Variants in AGBL4 observed in about 807,000 individuals in gnomAD.
The protein encoded by AGBL4 is AGBL carboxypeptidase 4, also known as cytosolic carboxypeptidase 6.
Under a neutral mutation model 66.4 loss-of-function variants are expected in AGBL4, and 58 were observed. The ratio of observed to expected loss-of-function variants is 0.87; its 90% CI spans 0.71 to 1.09. The LOEUF is 1.09. Among genes scored for constraint, AGBL4 ranks in the 50% least tolerant of loss-of-function variants. AGBL4 has a pLI of 0.00. For missense variants in AGBL4, 579 were observed against 631.0 expected, an observed-to-expected ratio of 0.92 and a Z score of 0.88; for synonymous variants, 234 against 222.9, an observed-to-expected ratio of 1.05 and a Z score of -0.44.
intron 5 of AGBL4, among the ~76,000 whole-genome samples, chr1:48,896,803 A>T (rs12048741): frequency 6.6e-6 from 1 of 152,014 alleles, no homozygotes; most frequent in Non-Finnish European, 1.5e-5. Context: ...ACAAATAAAA[A>T]GATTTATTTT....
At chr1:49,457,682 T>C (rs1570762165) in intron 3 of AGBL4, among the ~76,000 whole-genome samples, 1 of 151,888 alleles carries the variant, frequency 6.6e-6, no homozygotes, top group African/African-American at 2.4e-5. Context: ...TCCAAAATTT[T>C]TATAGTTTCA....
At chr1:49,746,477 A>G (rs138650839) in intron 2 of AGBL4, among the ~76,000 whole-genome samples, 73 of 152,030 alleles carry the variant, frequency 4.8e-4, no homozygotes, top group Non-Finnish European at 9.0e-4. Context: ...TCTGAACAAC[A>G]TAGTATCCTG....
At chr1:48,646,513 ATG>A (rs61233999) in intron 8 of AGBL4, among the ~76,000 whole-genome samples, 4,196 of 131,406 alleles carry the variant, frequency 0.032, 162 homozygotes, top group African/African-American at 0.1. Context: ...ACCAGTTATA[ATG>A]TGTGTGTGTG....
chr1:49,200,578 G>C (rs1647611247), intron 4 of AGBL4, among the ~76,000 whole-genome samples: 1 of 152,136 alleles, frequency 6.6e-6, no homozygotes, highest in Non-Finnish European at 1.5e-5. Flanking sequence ...TATAAACCAA[G>C]GTTCCTATAA....
chr1:49,599,546 T>C (rs1012545967), intron 3 of AGBL4, among the ~76,000 whole-genome samples: 2 of 152,170 alleles, frequency 1.3e-5, no homozygotes, highest in African/African-American at 4.8e-5. Flanking sequence ...TCTATTTTGT[T>C]GATCTTTTCA....
At chr1:49,024,940 T>C (rs1663535453) in intron 5 of AGBL4, among the ~76,000 whole-genome samples, 1 of 152,160 alleles carries the variant, frequency 6.6e-6, no homozygotes, top group South Asian at 2.1e-4. Flanking sequence ...TTGATGATCG[T>C]TCTACTTACA....
Position 49,907,187 on chromosome 1 carries a change from C to T in AGBL4, c.35-55669G>A, listed in dbSNP as rs574749517. ...AAAGGTTGTAATTCATTTAACTTAA[C>T]TAAGTGCCTAGTTGGTATAAGACAC... On this transcript the variant is annotated intron_variant, in intron 1 of 13. Transcript: ENST00000371839. Among the ~76,000 whole-genome samples the T allele has an allele frequency of 2.3e-4, 35 of 152,168 alleles. 1 individual carries two copies. The South Asian group carries it at 7.3e-3, about 32-fold the overall frequency.
At chr1:49,309,721 C>G (rs1217883589) in intron 3 of AGBL4, among the ~76,000 whole-genome samples, 4 of 151,732 alleles carry the variant, frequency 2.6e-5, no homozygotes, top group Non-Finnish European at 5.9e-5. Flanking sequence ...ACTGATTTTT[C>G]TGGAAGATGA....
intron 1 of AGBL4, among the ~76,000 whole-genome samples, chr1:49,971,698 A>C (rs964336261): frequency 3.9e-5 from 6 of 151,934 alleles, no homozygotes. Context: ...AAAAGGCATT[A>C]AATTTGTGAG....
At chr1:48,698,382 C>A (rs1018389105) in intron 6 of AGBL4, among the ~76,000 whole-genome samples, 2 of 152,172 alleles carry the variant, frequency 1.3e-5, no homozygotes, top group African/African-American at 4.8e-5. Flanking sequence ...CCCAATAGCT[C>A]AGAGCCTTCA....
At chr1:49,995,633 C>G (rs550501579) in intron 1 of AGBL4, 3 of 216,778 alleles carry the variant, frequency 1.4e-5, no homozygotes, top group South Asian at 1.4e-4. Context: ...CTGAGACACC[C>G]AAATACTTAT....
chr1:49,947,226 G>A (rs766760712), intron 1 of AGBL4, among the ~76,000 whole-genome samples: 12 of 151,554 alleles, frequency 7.9e-5, no homozygotes, highest in Non-Finnish European at 1.5e-4. Context: ...CCAAAACCAC[G>A]GAAGCACATA....
chr1:48,602,639 C>T (rs1047935653), intron 9 of AGBL4, among the ~76,000 whole-genome samples: 9 of 152,140 alleles, frequency 5.9e-5, no homozygotes, highest in South Asian at 4.1e-4. Flanking sequence ...AGGGTGCCAA[C>T]ATTCATGCTG....
chr1:49,586,635 A>G (rs1644652758), intron 3 of AGBL4, among the ~76,000 whole-genome samples: 1 of 149,378 alleles, frequency 6.7e-6, no homozygotes, highest in African/African-American at 2.4e-5. Context: ...ACCATAATCA[A>G]TAATCGTTTA....
intron 4 of AGBL4, among the ~76,000 whole-genome samples, chr1:49,237,611 A>G (rs1410643849): frequency 7.3e-6 from 1 of 136,512 alleles, no homozygotes; most frequent in Non-Finnish European, 1.6e-5. Flanking sequence ...ACATTTACCA[A>G]TTTGAGTGAG....
chr1:49,471,374 A>T (rs1000470481), intron 3 of AGBL4, among the ~76,000 whole-genome samples: 43 of 151,982 alleles, frequency 2.8e-4, no homozygotes, highest in African/African-American at 8.7e-4. Context: ...TTTTGTTTTC[A>T]GTCTTAACTT....
chr1:49,582,115 G>A (rs1004338316), intron 3 of AGBL4, among the ~76,000 whole-genome samples: 1 of 152,132 alleles, frequency 6.6e-6, no homozygotes, highest in Non-Finnish European at 1.5e-5. Flanking sequence ...CTACGCACTG[G>A]GATGGGCTAC....
At chr1:49,427,402 T>C (rs1349266311) in intron 3 of AGBL4, among the ~76,000 whole-genome samples, 2 of 152,168 alleles carry the variant, frequency 1.3e-5, no homozygotes, top group African/African-American at 2.4e-5. Flanking sequence ...AGGGTAAAGC[T>C]TGGAATACCA....
intron 6 of AGBL4, among the ~76,000 whole-genome samples, chr1:48,671,555 A>T (rs1328806072): frequency 6.6e-6 from 1 of 152,246 alleles, no homozygotes; most frequent in African/African-American, 2.4e-5. Context: ...TCATCTGCAA[A>T]ATCAGGATAA....
Sources: allele counts gnomAD v4.1 joint callset (sites outside exome capture counted in the v4.1 genomes callset), GRCh38; gene constraint gnomAD v4.1.1; transcripts MANE v1.5; gene names NCBI Gene and HGNC (gene_info 2026-07-23, HGNC 2026-07-21).